SMS: variants seen among roughly 807,000 people sequenced by gnomAD.
SMS encodes the protein spermine synthase.
Under a neutral mutation model 33.0 loss-of-function variants are expected in SMS, and 3 were observed. The observed-to-expected ratio is 0.09, with a 90% CI of 0.04 to 0.23. The LOEUF is 0.23. Among genes scored for constraint, SMS ranks in the 10% least tolerant of loss-of-function variants. SMS has a pLI of 1.00. For missense variants in SMS, 117 were observed against 288.6 expected, an observed-to-expected ratio of 0.41 and a Z score of 4.31; for synonymous variants, 103 against 112.2, an observed-to-expected ratio of 0.92 and a Z score of 0.52.
chrX:21,985,810 T>A (rs1028039968), intron 9 of SMS, among the ~76,000 whole-genome samples: 3 of 111,375 alleles, frequency 2.7e-5, no homozygotes, highest in Non-Finnish European at 5.6e-5. Context: ...CCGCCATTTT[T>A]TAAAAAAAGT....
intron 9 of SMS, among the ~76,000 whole-genome samples, chrX:21,989,408 C>A (rs1925604789): frequency 8.9e-6 from 1 of 112,134 alleles, no homozygotes; most frequent in African/African-American, 3.2e-5. Context: ...CTAATAAAAT[C>A]TGGACTTTGC....
At chrX:21,971,258 T>C (rs1022807316) in intron 2 of SMS, among the ~76,000 whole-genome samples, 2 of 104,746 alleles carry the variant, frequency 1.9e-5, no homozygotes, top group Non-Finnish European at 3.9e-5. Flanking sequence ...TACATCTTGG[T>C]GCATGTGATA....
intron 1 of SMS, among the ~76,000 whole-genome samples, chrX:21,961,485 A>G (rs1469163797): frequency 9.0e-6 from 1 of 111,005 alleles, no homozygotes; most frequent in South Asian, 3.8e-4. Context: ...AGATACACAG[A>G]TTTGTGCTTT....
rs1924580138 is a variant in SMS at position 21,977,056 on chromosome X, T to G, written c.330-5T>G. ...AGGTACATTTCTGTTTTTCTCTTTTTCCAGATTACCACCCATAGTGCGAGG... is the reference window on the plus strand; with the variant it reads ...AGGTACATTTCTGTTTTTCTCTTTTGCCAGATTACCACCCATAGTGCGAGG... On this transcript the variant is annotated splice_polypyrimidine_tract_variant and splice_region_variant and intron_variant, in intron 4 of 10. Transcript: ENST00000404933. 2 of 1,208,486 alleles carry G rather than the reference T, an allele frequency of 1.7e-6. No individual in the cohort carries two copies. The highest frequency in any genetic ancestry group is 3.5e-5 in the African/African-American group (2 of 57,794).
chrX:21,952,623 T>C lies in SMS; in HGVS notation c.49+11750T>C, dbSNP rs1045109302. Among the ~76,000 whole-genome samples, 4 of 111,210 alleles carry C rather than the reference T, an allele frequency of 3.6e-5. No homozygotes were observed. In the East Asian group the frequency reaches 1.1e-3, roughly 32 times the overall value. ...TCTGGTTTTGGTATTAGCATAATAC[T>C]GGCTTCATAAAATAGGGAGGCCTTC... On this transcript the variant is annotated intron_variant, in intron 1 of 10. Coordinates refer to ENST00000404933, the MANE Select transcript of SMS (RefSeq NM_004595.5).
chrX:21,992,572 A>G (rs772435720), intron 9 of SMS, 25 bp from the exon 10 acceptor site: 2 of 1,021,395 alleles, frequency 2.0e-6, no homozygotes, highest in Admixed American at 4.4e-5. Flanking sequence ...CAAGAATCCC[A>G]TTTGCTTATC....
chrX:21,980,835 T>G (rs1216821784), intron 7 of SMS, among the ~76,000 whole-genome samples: 3 of 112,005 alleles, frequency 2.7e-5, no homozygotes, highest in Non-Finnish European at 5.6e-5. Context: ...GCCTAGATTT[T>G]TTCTCTATAC....
At chrX:21,973,456 C>T (rs186546925) in intron 4 of SMS, among the ~76,000 whole-genome samples, 2 of 112,757 alleles carry the variant, frequency 1.8e-5, no homozygotes, top group Admixed American at 1.9e-4. Context: ...AAAACAAATA[C>T]CTGACTTCAA....
Position 21,970,286 on chromosome X carries a change from G to A in SMS, c.171-1611G>A, listed in dbSNP as rs770090496. On this transcript the variant is annotated intron_variant, in intron 2 of 10. Coordinates refer to ENST00000404933, the MANE Select transcript of SMS (RefSeq NM_004595.5). ...CTCTATTCCCTGCCCCCGGACCCCA[G>A]GCACACTTTCCCCCCTCTATTTCTG... Among the ~76,000 whole-genome samples, 4 of 110,780 alleles carry A rather than the reference G, an allele frequency of 3.6e-5. No homozygotes were observed. The South Asian group carries it at 1.2e-3, about 32-fold the overall frequency.
intron 1 of SMS, among the ~76,000 whole-genome samples, chrX:21,964,088 G>A (rs1448950175): frequency 2.9e-5 from 3 of 102,090 alleles, no homozygotes; most frequent in Non-Finnish European, 5.9e-5. Flanking sequence ...TTGTGAAGTA[G>A]AATTCAGTCT....
At chrX:21,991,627 C>A (rs1449073720) in intron 9 of SMS, among the ~76,000 whole-genome samples, 1 of 112,359 alleles carries the variant, frequency 8.9e-6, no homozygotes. Context: ...GAAAATTGTG[C>A]TAAGAGGATG....
Position 21,993,820 on chromosome X carries a change from G to T in SMS, c.1062-492G>T, listed in dbSNP as rs1023170471. Among the ~76,000 whole-genome samples, 43 of 111,076 alleles carry T rather than the reference G, an allele frequency of 3.9e-4. 1 individual carries two copies. Among genetic ancestry groups the T allele is most frequent in the African/African-American group, 1.3e-3 (39 of 30,536 alleles). On this transcript the variant is annotated intron_variant, in intron 10 of 10. Coordinates refer to ENST00000404933, the MANE Select transcript of SMS (RefSeq NM_004595.5). ...GAGAAATCAGTTGATAACATTTGAG[G>T]CAAAGTCTTCCACCTGCTAGTTCTT...
At position 21,978,079 on chromosome X, in the gene SMS, G is replaced by C. The variant is rs1490886759; in HGVS notation, c.625G>C (p.Val209Leu). The C allele has an allele frequency of 2.5e-6, 3 of 1,210,140 alleles. No homozygotes were observed. Among genetic ancestry groups the C allele is most frequent in the Non-Finnish European group, 3.4e-6 (3 of 894,031 alleles). Residue 209 changes from valine (V) to leucine (L), a missense_variant, in exon 6 of 11, where the codon GTC becomes CTC. Transcript: ENST00000404933. ...GGDGGILCEI[V>L]KLKPKMVTMV... ...AGACGGAGGCATATTGTGTGAAATA[G>C]TCAAACTAAAACCAAAGATGGTCAC...
At chrX:21,976,206 C>A (rs1924522796) in intron 4 of SMS, among the ~76,000 whole-genome samples, 1 of 111,301 alleles carries the variant, frequency 9.0e-6, no homozygotes, top group Non-Finnish European at 1.9e-5. Context: ...AGGCCAGAAT[C>A]TTCTGCATGC....
At chrX:21,952,669 A>G (rs1380560431) in intron 1 of SMS, among the ~76,000 whole-genome samples, 1 of 110,627 alleles carries the variant, frequency 9.0e-6, no homozygotes, top group African/African-American at 3.3e-5. Flanking sequence ...GAGATTGTGT[A>G]GAATTGGTGT....
chrX:21,954,863 G>A (rs776536493), intron 1 of SMS, among the ~76,000 whole-genome samples: 1 of 111,009 alleles, frequency 9.0e-6, no homozygotes, highest in Admixed American at 9.6e-5. Context: ...TTTTGAGACA[G>A]TCTTGCTCTG....
At chrX:21,962,341 T>G (rs1226166184) in intron 1 of SMS, among the ~76,000 whole-genome samples, 3 of 112,448 alleles carry the variant, frequency 2.7e-5, no homozygotes, top group African/African-American at 9.7e-5. Context: ...TTGGAATAAT[T>G]ACAAAGCATT....
At chrX:21,977,515 A>AATTC (rs1924613388) in intron 5 of SMS, among the ~76,000 whole-genome samples, 1 of 112,234 alleles carries the variant, frequency 8.9e-6, no homozygotes, top group Non-Finnish European at 1.9e-5. Flanking sequence ...GTTACAGAAC[A>AATTC]ATTCAAACCT....
chrX:21,982,829 C>G (rs751441294), intron 7 of SMS, among the ~76,000 whole-genome samples: 16 of 112,128 alleles, frequency 1.4e-4, no homozygotes, highest in Admixed American at 8.5e-4. Flanking sequence ...ATGAGCATAT[C>G]AAACAGGATT....
Sources: gnomAD v4.1 joint callset for allele counts (sites outside exome capture counted in the v4.1 genomes callset) on GRCh38, gnomAD v4.1.1 for gene constraint, MANE v1.5 for transcripts, NCBI Gene and HGNC (gene_info 2026-07-23, HGNC 2026-07-21) for gene names.